Variants in CADM2 observed in about 807,000 individuals in gnomAD.
The protein encoded by CADM2 is immunoglobulin superfamily member 4D.
In CADM2, 12 loss-of-function variants were observed where a neutral mutation model predicts 49.8. That is an observed-to-expected ratio of 0.24 (90% CI 0.15 to 0.39). The LOEUF (loss-of-function observed/expected upper bound fraction) is 0.39, where lower values mean the gene tolerates loss of function less well. Ranked by LOEUF, CADM2 falls within the 10% of genes least tolerant of loss-of-function variation. CADM2 has a pLI of 1.00. For synonymous variants in CADM2, 214 were observed against 175.4 expected (o/e 1.22, Z -1.74); for missense variants, 378 against 492.3 (o/e 0.77, Z 2.20).
chr3:85,881,944 C>T (rs1168955866), intron 3 of CADM2, among the ~76,000 whole-genome samples: 1 of 152,118 alleles, frequency 6.6e-6, no homozygotes, highest in African/African-American at 2.4e-5. Context: ...GTTCACTCTC[C>T]TATAAGAAGT....
intron 1 of CADM2, among the ~76,000 whole-genome samples, chr3:85,651,105 A>G (rs571400585): frequency 6.6e-6 from 1 of 151,966 alleles, no homozygotes; most frequent in Non-Finnish European, 1.5e-5. Flanking sequence ...CCTCAGGGCT[A>G]CAACATAAAT....
chr3:85,916,703 G>A (rs990516323), intron 6 of CADM2, among the ~76,000 whole-genome samples: 6 of 151,736 alleles, frequency 4.0e-5, no homozygotes, highest in African/African-American at 1.5e-4. Flanking sequence ...GGGATGGCTG[G>A]GTCAAATGGT....
At position 85,913,662 on chromosome 3, in the gene CADM2, G is replaced by A. The variant is rs188472587; in HGVS notation, c.700+1119G>A. Among the ~76,000 whole-genome samples the A allele has an allele frequency of 1.5e-3, 225 of 152,060 alleles. 1 individual carries two copies. The highest frequency in any genetic ancestry group is 9.6e-3 in the Admixed American group (146 of 15,256). On this transcript the variant is annotated intron_variant, in intron 6 of 9. Coordinates refer to ENST00000383699, the MANE Select transcript of CADM2 (RefSeq NM_001167675.2). Reference sequence around the variant, plus strand: ...TCCAAGTGTCAAAATAATCACCTCCGCTATCACCAACAAACTTCATTTCTC... The same window carrying A: ...TCCAAGTGTCAAAATAATCACCTCCACTATCACCAACAAACTTCATTTCTC...
intron 7 of CADM2, among the ~76,000 whole-genome samples, chr3:85,940,771 C>A (rs1721791663): frequency 2.0e-5 from 3 of 152,030 alleles, no homozygotes; most frequent in Admixed American, 1.3e-4. Context: ...AATTATAAAT[C>A]TGCGGATATT....
At chr3:85,260,178 A>C (rs1380246630) in intron 1 of CADM2, among the ~76,000 whole-genome samples, 2 of 152,260 alleles carry the variant, frequency 1.3e-5, no homozygotes, top group East Asian at 3.9e-4. Context: ...TTAGTTTGGC[A>C]TGAATATATG....
chr3:85,219,928 C>T (rs1160182991), intron 1 of CADM2, among the ~76,000 whole-genome samples: 1 of 152,064 alleles, frequency 6.6e-6, no homozygotes, highest in Non-Finnish European at 1.5e-5. Context: ...TTTTAAGCTT[C>T]ATGGAGTTTT....
At chr3:85,118,468 A>G (rs1374327879) in intron 1 of CADM2, among the ~76,000 whole-genome samples, 1 of 152,164 alleles carries the variant, frequency 6.6e-6, no homozygotes, top group Non-Finnish European at 1.5e-5. Flanking sequence ...AGCAAAAGGC[A>G]CGACGAACAT....
chr3:85,359,163 A>G (rs1029195892), intron 1 of CADM2, among the ~76,000 whole-genome samples: 12 of 152,098 alleles, frequency 7.9e-5, no homozygotes, highest in African/African-American at 2.9e-4. Context: ...CTATATTTCA[A>G]CCATGCAAAT....
chr3:85,565,940 C>G (rs1013878971), intron 1 of CADM2, among the ~76,000 whole-genome samples: 11 of 151,972 alleles, frequency 7.2e-5, no homozygotes, highest in Middle Eastern at 3.4e-3. Context: ...GGATTGTCCA[C>G]TAGAATGTAC....
At chr3:85,946,905 A>T (rs1036447901) in intron 7 of CADM2, among the ~76,000 whole-genome samples, 13 of 152,112 alleles carry the variant, frequency 8.5e-5, no homozygotes, top group African/African-American at 2.9e-4. Flanking sequence ...TCATGTCTAA[A>T]ACACCAAAAG....
chr3:85,729,107 T>G (rs1404894971), intron 2 of CADM2, among the ~76,000 whole-genome samples: 1 of 152,210 alleles, frequency 6.6e-6, no homozygotes, highest in African/African-American at 2.4e-5. Flanking sequence ...TTCTCAATCC[T>G]CATATTGCTA....
At chr3:85,282,036 C>T (rs192202874) in intron 1 of CADM2, among the ~76,000 whole-genome samples, 2 of 151,914 alleles carry the variant, frequency 1.3e-5, no homozygotes, top group African/African-American at 4.8e-5. Flanking sequence ...TATTAAACTA[C>T]ATATTCTTCA....
At chr3:85,515,492 C>T (rs1012761056) in intron 1 of CADM2, among the ~76,000 whole-genome samples, 5 of 148,164 alleles carry the variant, frequency 3.4e-5, no homozygotes, top group South Asian at 2.1e-4. Context: ...GACATGATCT[C>T]GGCTCACAAC....
chr3:85,889,256 C>G (rs1473667234), intron 5 of CADM2, among the ~76,000 whole-genome samples: 4 of 152,124 alleles, frequency 2.6e-5, no homozygotes, highest in African/African-American at 4.8e-5. Flanking sequence ...GGGTAAAAGT[C>G]ACTTGAAAGT....
At chr3:85,125,473 C>T (rs963112605) in intron 1 of CADM2, among the ~76,000 whole-genome samples, 1 of 152,096 alleles carries the variant, frequency 6.6e-6, no homozygotes, top group Non-Finnish European at 1.5e-5. Flanking sequence ...TTCCTTCCAC[C>T]TCAGCCTCCT....
chr3:86,047,677 G>C (rs1182432148), intron 8 of CADM2, among the ~76,000 whole-genome samples: 1 of 152,180 alleles, frequency 6.6e-6, no homozygotes, highest in African/African-American at 2.4e-5. Context: ...CATTCATGCT[G>C]CTCCAGAATG....
At chr3:85,819,085 C>G (rs1200984037) in intron 3 of CADM2, among the ~76,000 whole-genome samples, 2 of 152,000 alleles carry the variant, frequency 1.3e-5, no homozygotes, top group Non-Finnish European at 2.9e-5. Context: ...CCCCAGAACC[C>G]CTGGCAAACC....
chr3:85,550,696 C>T (rs1372468766), intron 1 of CADM2, among the ~76,000 whole-genome samples: 4 of 152,150 alleles, frequency 2.6e-5, no homozygotes, highest in Non-Finnish European at 5.9e-5. Flanking sequence ...CCTATTCTCA[C>T]CAAAATGTTT....
chr3:85,546,789 G>C (rs1041233890), intron 1 of CADM2, among the ~76,000 whole-genome samples: 1 of 151,656 alleles, frequency 6.6e-6, no homozygotes, highest in African/African-American at 2.4e-5. Context: ...GTCAAATAAG[G>C]CCAAAGAAGG....
Sources: gnomAD v4.1 joint callset for allele counts (sites outside exome capture counted in the v4.1 genomes callset) on GRCh38, gnomAD v4.1.1 for gene constraint, MANE v1.5 for transcripts, NCBI Gene and HGNC (gene_info 2026-07-23, HGNC 2026-07-21) for gene names.